Variants in RHOJ observed in about 807,000 individuals in gnomAD.
RHOJ encodes the protein rho-related GTP-binding protein RhoJ.
In RHOJ, 11 loss-of-function variants were observed where a neutral mutation model predicts 23.4. The ratio of observed to expected loss-of-function variants is 0.47; its 90% CI spans 0.30 to 0.78. RHOJ has a LOEUF of 0.78. Among genes scored for constraint, RHOJ ranks in the 30% least tolerant of loss-of-function variants. The pLI, the probability that RHOJ is intolerant of heterozygous loss-of-function variation, is 0.08. For missense variants in RHOJ, 254 were observed against 273.4 expected, an observed-to-expected ratio of 0.93 and a Z score of 0.50; for synonymous variants, 102 against 102.7, an observed-to-expected ratio of 0.99 and a Z score of 0.04.
At chr14:63,226,346 T>C (rs761549) in intron 1 of RHOJ, among the ~76,000 whole-genome samples, 16,054 of 151,678 alleles carry the variant, frequency 0.11, 999 homozygotes, top group African/African-American at 0.16. Context: ...GAAAGGGGAA[T>C]GTGGGCTAGC....
chr14:63,232,143 T>C (rs922185500), intron 1 of RHOJ, among the ~76,000 whole-genome samples: 4 of 152,180 alleles, frequency 2.6e-5, no homozygotes, highest in Admixed American at 2.6e-4. Flanking sequence ...TGGGAAAAGC[T>C]CCATACACTA....
At position 63,229,282 on chromosome 14, in the gene RHOJ, T is replaced by C. The variant is rs1056026022; in HGVS notation, c.178+24235T>C. ...TTTGAATTTAACTATGTTAGTATTA[T>C]GTATTCATTTTCTATTGCTGTATGG... On this transcript the variant is annotated intron_variant, in intron 1 of 4. Transcript: ENST00000316754. Among the ~76,000 whole-genome samples, 5 of 152,238 alleles carry C rather than the reference T, an allele frequency of 3.3e-5. No individual in the cohort carries two copies. In the East Asian group the frequency reaches 9.6e-4, roughly 29 times the overall value.
chr14:63,263,129 T>C (rs1895301977), intron 1 of RHOJ, among the ~76,000 whole-genome samples: 1 of 152,172 alleles, frequency 6.6e-6, no homozygotes, highest in African/African-American at 2.4e-5. Context: ...TTATCCCCCA[T>C]TTTTAATAGA....
At chr14:63,213,958 G>A (rs1894295771) in intron 1 of RHOJ, among the ~76,000 whole-genome samples, 1 of 152,152 alleles carries the variant, frequency 6.6e-6, no homozygotes, top group Non-Finnish European at 1.5e-5. Context: ...CACAAGGAAG[G>A]CCAGCGATGT....
At chr14:63,239,658 C>CT (rs1894850370) in intron 1 of RHOJ, among the ~76,000 whole-genome samples, 1 of 152,208 alleles carries the variant, frequency 6.6e-6, no homozygotes, top group South Asian at 2.1e-4. Context: ...CTTGACTGAC[C>CT]TACTGCACCC....
At chr14:63,287,221 C>CA (rs1882110719) in intron 4 of RHOJ, among the ~76,000 whole-genome samples, 1 of 152,142 alleles carries the variant, frequency 6.6e-6, no homozygotes, top group South Asian at 2.1e-4. Context: ...AGAGACAGCC[C>CA]AAAAGAGTAG....
chr14:63,212,863 A>G (rs573450982), intron 1 of RHOJ, among the ~76,000 whole-genome samples: 1 of 152,344 alleles, frequency 6.6e-6, no homozygotes, highest in South Asian at 2.1e-4. Context: ...GTCTCTTCAT[A>G]GAGTGCTATG....
intron 1 of RHOJ, among the ~76,000 whole-genome samples, chr14:63,227,038 G>A (rs573080871): frequency 2.2e-4 from 34 of 152,218 alleles, no homozygotes; most frequent in African/African-American, 8.2e-4. Flanking sequence ...TGCAACCTCT[G>A]CCTCCTGGGT....
Position 63,290,924 on chromosome 14 carries a change from G to T in RHOJ, c.545G>T (p.Gly182Val), listed in dbSNP as rs201823617. The T allele has an allele frequency of 8.1e-6, 13 of 1,614,050 alleles. No homozygotes were observed. The highest frequency in any genetic ancestry group is 2.2e-5 in the East Asian group (1 of 44,886). The change falls in exon 5 of 5, where the codon GGT becomes GTT. Residue 182 changes from glycine to valine, a missense_variant. Transcript: ENST00000316754. ...GAATGTTCAGCTCTGACTCAGAAAG[G>T]TCTCAAAGCGGTTTTTGATGAAGCA... is the stretch of plus-strand genomic sequence containing the variant. ...YLECSALTQKGLKAVFDEAIL... is the reference protein window; with the variant it reads ...YLECSALTQKVLKAVFDEAIL...
intron 1 of RHOJ, among the ~76,000 whole-genome samples, chr14:63,259,714 A>C (rs1021219060): frequency 6.6e-6 from 1 of 152,230 alleles, no homozygotes; most frequent in African/African-American, 2.4e-5. Flanking sequence ...ATCATAATTA[A>C]CCATCAAATG....
At position 63,271,604 on chromosome 14, in the gene RHOJ, A is replaced by T. The variant is rs554147963; in HGVS notation, c.237+2436A>T. Among the ~76,000 whole-genome samples the T allele has an allele frequency of 5.4e-3, 817 of 151,914 alleles. 12 individuals carry two copies. The highest frequency in any genetic ancestry group is 0.019 in the African/African-American group (801 of 41,430). On this transcript the variant is annotated intron_variant, in intron 2 of 4. Coordinates refer to ENST00000316754, the MANE Select transcript of RHOJ (RefSeq NM_020663.5). ...TTTCTTTTATTTTATTTTATTTTTT[A>T]TTTTTTTGAGACAGGGTTTCACTCC...
chr14:63,255,120 C>T (rs1895139999), intron 1 of RHOJ, among the ~76,000 whole-genome samples: 1 of 152,104 alleles, frequency 6.6e-6, no homozygotes, highest in Non-Finnish European at 1.5e-5. Context: ...TCATCTCTTT[C>T]ATCTCTTTTT....
intron 4 of RHOJ, among the ~76,000 whole-genome samples, chr14:63,286,071 G>T (rs988695196): frequency 3.9e-5 from 6 of 152,186 alleles, no homozygotes; most frequent in Non-Finnish European, 1.5e-5. Context: ...GGGATTTAAA[G>T]CAGCAAAATT....
At chr14:63,260,397 G>A (rs1291631800) in intron 1 of RHOJ, among the ~76,000 whole-genome samples, 2 of 152,096 alleles carry the variant, frequency 1.3e-5, no homozygotes. Context: ...AATAAATCTG[G>A]ATAAGCCTAA....
At chr14:63,236,712 G>T (rs1396163280) in intron 1 of RHOJ, among the ~76,000 whole-genome samples, 1 of 150,724 alleles carries the variant, frequency 6.6e-6, no homozygotes, top group African/African-American at 2.5e-5. Context: ...AAGTAGTGAA[G>T]TGTCCTGAAT....
chr14:63,284,938 GT>G (rs1882034289), intron 4 of RHOJ, among the ~76,000 whole-genome samples: 1 of 152,126 alleles, frequency 6.6e-6, no homozygotes, highest in Non-Finnish European at 1.5e-5. Flanking sequence ...CCTTTTGCTA[GT>G]TTCTCCTAGC....
intron 1 of RHOJ, among the ~76,000 whole-genome samples, chr14:63,225,374 G>A (rs1894574166): frequency 6.6e-6 from 1 of 152,090 alleles, no homozygotes; most frequent in Admixed American, 6.5e-5. Flanking sequence ...GAAGAAAAAA[G>A]AAAACAAAGC....
At chr14:63,221,114 A>G (rs1894483551) in intron 1 of RHOJ, among the ~76,000 whole-genome samples, 1 of 152,114 alleles carries the variant, frequency 6.6e-6, no homozygotes, top group African/African-American at 2.4e-5. Flanking sequence ...AGATTGCGTG[A>G]GTCCAGGAGT....
intron 1 of RHOJ, among the ~76,000 whole-genome samples, chr14:63,209,217 A>C (rs1027741567): frequency 6.6e-6 from 1 of 152,024 alleles, no homozygotes; most frequent in African/African-American, 2.4e-5. Flanking sequence ...CTTGCCCCCT[A>C]TCATCAATTC....
Sources: gnomAD v4.1 joint callset for allele counts (sites outside exome capture counted in the v4.1 genomes callset) on GRCh38, gnomAD v4.1.1 for gene constraint, MANE v1.5 for transcripts, NCBI Gene and HGNC (gene_info 2026-07-23, HGNC 2026-07-21) for gene names.